CDIN1: variants seen among roughly 807,000 people sequenced by gnomAD.
The protein encoded by CDIN1 is CDAN1-interacting nuclease 1.
Under a neutral mutation model 45.3 loss-of-function variants are expected in CDIN1, and 33 were observed. The observed-to-expected ratio is 0.73, with a 90% CI of 0.55 to 0.97. The LOEUF (loss-of-function observed/expected upper bound fraction) is 0.97. Ranked by LOEUF, CDIN1 falls within the 50% of genes least tolerant of loss-of-function variation. The pLI is 0.00. For synonymous variants in CDIN1, 118 were observed against 124.4 expected, an observed-to-expected ratio of 0.95 and a Z score of 0.34; for missense variants, 303 against 339.4, an observed-to-expected ratio of 0.89 and a Z score of 0.84.
intron 1 of CDIN1, chr15:36,627,239 G>T: frequency 1.2e-5 from 2 of 168,600 alleles, no homozygotes; most frequent in South Asian, 3.5e-4. Flanking sequence ...TTGCAATAGT[G>T]ACCTTGCATG....
intron 1 of CDIN1, among the ~76,000 whole-genome samples, chr15:36,582,406 G>T (rs1434412055): frequency 6.6e-6 from 1 of 152,174 alleles, no homozygotes; most frequent in Non-Finnish European, 1.5e-5. Context: ...ATTAATAAGA[G>T]AATATTCTTT....
chr15:36,636,721 T>C (rs1185828132), intron 1 of CDIN1, among the ~76,000 whole-genome samples: 1 of 152,188 alleles, frequency 6.6e-6, no homozygotes, highest in Non-Finnish European at 1.5e-5. Flanking sequence ...TTAAGACAAT[T>C]TCAGTAATAT....
rs1244892045 is a variant in CDIN1, at chr15:36,695,022, C to A, written c.477-2301C>A. Among the ~76,000 whole-genome samples, 5 of 152,062 alleles carry A rather than the reference C, an allele frequency of 3.3e-5. No homozygotes were observed. The East Asian group carries it at 9.6e-4, about 29-fold the overall frequency. On this transcript the variant is annotated intron_variant, in intron 7 of 10. Coordinates refer to ENST00000566621, the MANE Select transcript of CDIN1 (RefSeq NM_001321759.2). ...AAAAATGTGTTCCTTTATTTTGTTT[C>A]TCTTTAGAAATTTAAAAAGCACAGC...
At chr15:36,613,743 T>G in intron 1 of CDIN1, 1 of 1,585,948 alleles carries the variant, frequency 6.3e-7, no homozygotes, top group Non-Finnish European at 8.6e-7. Context: ...GAGACAGGTA[T>G]GAAGGTTTTT....
At chr15:36,751,836 T>C (rs887058237) in intron 10 of CDIN1, among the ~76,000 whole-genome samples, 1 of 152,160 alleles carries the variant, frequency 6.6e-6, no homozygotes, top group Non-Finnish European at 1.5e-5. Context: ...AACAAGATCA[T>C]GTCCTTCGCA....
chr15:36,625,833 C>T (rs1416622910), intron 1 of CDIN1, among the ~76,000 whole-genome samples: 4 of 152,056 alleles, frequency 2.6e-5, no homozygotes, highest in African/African-American at 9.7e-5. Flanking sequence ...TAGCAAAATA[C>T]CATAGATTGG....
chr15:36,580,117 C>T (rs535508985), intron 1 of CDIN1, among the ~76,000 whole-genome samples, 156 bp downstream of exon 1: 2 of 152,336 alleles, frequency 1.3e-5, no homozygotes, highest in East Asian at 3.9e-4. Flanking sequence ...AAGGTTTATT[C>T]TTTCACTCGC....
chr15:36,713,059 T>C (rs1484821243), intron 10 of CDIN1, among the ~76,000 whole-genome samples: 4 of 152,192 alleles, frequency 2.6e-5, no homozygotes, highest in Admixed American at 1.3e-4. Context: ...TGATGACTTA[T>C]AAAGAAAGAA....
At chr15:36,672,481 A>G (rs1216300221) in intron 5 of CDIN1, among the ~76,000 whole-genome samples, 1 of 152,100 alleles carries the variant, frequency 6.6e-6, no homozygotes, top group Non-Finnish European at 1.5e-5. Flanking sequence ...GTGAAGGCCA[A>G]TCATACACAT....
intron 10 of CDIN1, among the ~76,000 whole-genome samples, chr15:36,797,872 C>CA (rs1201829890): frequency 1.3e-5 from 2 of 151,376 alleles, no homozygotes; most frequent in East Asian, 3.9e-4. Context: ...CCCAGCTCCT[C>CA]AGGAGACTGA....
intron 5 of CDIN1, chr15:36,691,371 ATT>A (rs370420605): frequency 3.5e-3 from 887 of 253,756 alleles, no homozygotes; most frequent in South Asian, 6.7e-3. Flanking sequence ...ATATTTTCTG[ATT>A]TTTTTTTTTT....
At chr15:36,613,367 TAAAA>T (rs59042566) in intron 1 of CDIN1, 2 of 823,586 alleles carry the variant, frequency 2.4e-6, no homozygotes, top group Non-Finnish European at 4.0e-6. Flanking sequence ...GATGTAAAGA[TAAAA>T]AAAGGATTCC....
At chr15:36,713,242 A>T (rs553787164) in intron 10 of CDIN1, among the ~76,000 whole-genome samples, 1 of 152,270 alleles carries the variant, frequency 6.6e-6, no homozygotes, top group East Asian at 1.9e-4. Flanking sequence ...CATATGCTAT[A>T]AAGCACATGA....
At chr15:36,672,005 C>G (rs1174196502) in intron 5 of CDIN1, among the ~76,000 whole-genome samples, 1 of 151,912 alleles carries the variant, frequency 6.6e-6, no homozygotes, top group African/African-American at 2.4e-5. Flanking sequence ...ATTTGTTTGA[C>G]CTTGGCAATG....
intron 5 of CDIN1, among the ~76,000 whole-genome samples, chr15:36,673,292 G>A (rs961244409): frequency 2.6e-5 from 4 of 152,052 alleles, no homozygotes; most frequent in Non-Finnish European, 5.9e-5. Context: ...TCAGATATTA[G>A]CCAATTTATA....
At chr15:36,617,885 A>G in intron 1 of CDIN1, 2 of 773,128 alleles carry the variant, frequency 2.6e-6, no homozygotes, top group East Asian at 2.5e-5. Context: ...GGGCAAGCCA[A>G]TTATGGCAAG....
At chr15:36,662,200 T>C (rs1044824085) in intron 5 of CDIN1, among the ~76,000 whole-genome samples, 1 of 152,148 alleles carries the variant, frequency 6.6e-6, no homozygotes, top group African/African-American at 2.4e-5. Flanking sequence ...AGGTTAATAG[T>C]CACATCATTT....
At chr15:36,778,765 A>G (rs539575859) in intron 10 of CDIN1, among the ~76,000 whole-genome samples, 1 of 152,328 alleles carries the variant, frequency 6.6e-6, no homozygotes, top group Non-Finnish European at 1.5e-5. Context: ...GATTTACTGC[A>G]TATGGAATCA....
At position 36,618,121 on chromosome 15, in the gene CDIN1, T is replaced by C. The variant is rs2038984216; in HGVS notation, c.102-26157T>C. 20 of 729,020 alleles carry C rather than the reference T, an allele frequency of 2.7e-5. 1 individual carries two copies. The South Asian group carries it at 2.8e-4, about 10-fold the overall frequency. The allele number at this position is 729,020 out of a possible 1,614,324, so 45.2% of individuals were successfully genotyped here. A position where few individuals can be genotyped will look rare whatever the true frequency, so the allele number is the denominator to read the frequency against. On this transcript the variant is annotated intron_variant, in intron 1 of 10. Coordinates refer to ENST00000566621, the MANE Select transcript of CDIN1 (RefSeq NM_001321759.2). ...CACCACTGGCCCGCTTTCCCAATGG[T>C]AGTTTTGTGAATGGCATTAATTCAC...
Sources: gnomAD v4.1 joint callset for allele counts (sites outside exome capture counted in the v4.1 genomes callset) on GRCh38, gnomAD v4.1.1 for gene constraint, MANE v1.5 for transcripts, NCBI Gene and HGNC (gene_info 2026-07-23, HGNC 2026-07-21) for gene names.